ANXA4: variants seen among roughly 807,000 people sequenced by gnomAD.
ANXA4 encodes the protein annexin A4.
Under a neutral mutation model 49.8 loss-of-function variants are expected in ANXA4, and 39 were observed. The observed-to-expected ratio is 0.78, with a 90% confidence interval of 0.61 to 1.02. The LOEUF (loss-of-function observed/expected upper bound fraction) is 1.02. Ranked by LOEUF, ANXA4 falls within the 50% of genes least tolerant of loss-of-function variation. The probability of loss-of-function intolerance (pLI) is 0.00; values close to 1 mark genes in which losing one functional copy is unlikely to be tolerated. For synonymous variants in ANXA4, 134 were observed against 152.5 expected, an observed-to-expected ratio of 0.88 and a Z score of 0.89; for missense variants, 360 against 410.1, an observed-to-expected ratio of 0.88 and a Z score of 1.05.
chr2:69,777,720 C>A (rs187273567), intron 1 of ANXA4, among the ~76,000 whole-genome samples: 32 of 152,326 alleles, frequency 2.1e-4, no homozygotes, highest in South Asian at 6.2e-4. Context: ...GCTCCAGCTA[C>A]CTGAAAGAGT....
chr2:69,734,938 C>T (rs891129328), intron 3 of ANXA4, among the ~76,000 whole-genome samples: 5 of 152,178 alleles, frequency 3.3e-5, no homozygotes, highest in African/African-American at 1.2e-4. Context: ...ATTCCACAGT[C>T]ACCCCTTGTC....
chr2:69,825,586 CTA>C lies in ANXA4; in HGVS notation c.*73_*74del. On this transcript the variant is annotated 3_prime_UTR_variant, in exon 13 of 13. Coordinates refer to ENST00000394295, the MANE Select transcript of ANXA4 (RefSeq NM_001153.5). ...TTTTTAACTTCATTTTTCTACACTG[CTA>C]TTATCATTATCTCAGAATGCTTATT... 1 of 1,139,342 alleles carries C rather than the reference CTA, an allele frequency of 8.8e-7. No individual in the cohort carries two copies. 70.6% of individuals were successfully genotyped at this position (1,139,342 alleles called of 1,614,324 possible). A position where few individuals can be genotyped will look rare whatever the true frequency, so the allele number is the denominator to read the frequency against.
At chr2:69,667,954 G>T (rs1677001918) in intron 2 of ANXA4, among the ~76,000 whole-genome samples, 1 of 152,192 alleles carries the variant, frequency 6.6e-6, no homozygotes, top group Non-Finnish European at 1.5e-5. Context: ...TCATGCTGAG[G>T]CAGAGATGCA....
chr2:69,807,700 C>G (rs1199544162), intron 5 of ANXA4, among the ~76,000 whole-genome samples: 1 of 152,120 alleles, frequency 6.6e-6, no homozygotes, highest in Non-Finnish European at 1.5e-5. Flanking sequence ...TAATAAACAG[C>G]CTAGAAATGT....
intron 2 of ANXA4, among the ~76,000 whole-genome samples, chr2:69,672,032 G>A (rs1012065057): frequency 6.6e-6 from 1 of 152,162 alleles, no homozygotes; most frequent in Non-Finnish European, 1.5e-5. Flanking sequence ...TTGAGGATGG[G>A]TAGCAGGAGA....
At chr2:69,790,139 T>A (rs1672620121) in intron 3 of ANXA4, among the ~76,000 whole-genome samples, 1 of 152,140 alleles carries the variant, frequency 6.6e-6, no homozygotes, top group African/African-American at 2.4e-5. Flanking sequence ...GGGAGCTATT[T>A]TTGAGCTGCT....
chr2:69,749,789 G>A (rs7602292), intron 1 of ANXA4, among the ~76,000 whole-genome samples: 5,000 of 151,906 alleles, frequency 0.033, 141 homozygotes, highest in African/African-American at 0.076. Flanking sequence ...GCTAGGTGTG[G>A]TAGTGCACGC....
intron 4 of ANXA4, 124 bp from the exon 5 acceptor site, chr2:69,806,261 T>C: frequency 1.6e-6 from 1 of 641,276 alleles, no homozygotes; most frequent in South Asian, 1.8e-5. Context: ...ATTCTGAGGA[T>C]AGTTTTGACT....
chr2:69,647,413 TTTATTTA>T (rs1676050052), intron 1 of ANXA4, among the ~76,000 whole-genome samples: 1 of 144,080 alleles, frequency 6.9e-6, no homozygotes, highest in Non-Finnish European at 1.5e-5. Context: ...TATTTATTTA[TTTATTTA>T]TTTTTTGAGA....
intron 2 of ANXA4, 22 bp from the exon 3 acceptor site, chr2:69,788,032 C>T (rs1446271062): frequency 6.2e-7 from 1 of 1,606,738 alleles, no homozygotes; most frequent in Non-Finnish European, 8.5e-7. Context: ...CTCTCAGTAA[C>T]ATCACTCTCT....
At chr2:69,784,741 C>G (rs1573249945) in intron 2 of ANXA4, among the ~76,000 whole-genome samples, 2 of 152,204 alleles carry the variant, frequency 1.3e-5, no homozygotes, top group South Asian at 4.1e-4. Context: ...CCCTTTGACA[C>G]CTGTGCAGAA....
At chr2:69,709,514 A>G (rs1045378757) in intron 2 of ANXA4, among the ~76,000 whole-genome samples, 1 of 152,196 alleles carries the variant, frequency 6.6e-6, no homozygotes, top group Middle Eastern at 3.2e-3. Context: ...GCTCTCTTCT[A>G]AGTATTCAAG....
intron 3 of ANXA4, among the ~76,000 whole-genome samples, chr2:69,722,343 C>G (rs1376298959): frequency 6.6e-6 from 1 of 152,160 alleles, no homozygotes; most frequent in Non-Finnish European, 1.5e-5. Flanking sequence ...GCGTTATTCG[C>G]CATAGCCAAA....
At chr2:69,767,927 A>G (rs1671558892) in intron 1 of ANXA4, among the ~76,000 whole-genome samples, 1 of 152,178 alleles carries the variant, frequency 6.6e-6, no homozygotes, top group African/African-American at 2.4e-5. Flanking sequence ...TACTCTTTAT[A>G]TATATACACT....
rs1177478284 is a variant in ANXA4, at chr2:69,647,392, A to T, written n.481+2487A>T. Among the ~76,000 whole-genome samples, 12 of 105,854 alleles carry T rather than the reference A, an allele frequency of 1.1e-4. No homozygotes were observed. The Admixed American group carries it at 1.3e-3, about 12-fold the overall frequency. 69.4% of individuals were successfully genotyped at this position (105,854 alleles called of 152,430 possible). ...TGTTTTATTGTTTTATTTTTATTTT[A>T]TTTATTTATTTATTTATTTATTTAT... is the stretch of plus-strand genomic sequence containing the variant. On this transcript the variant is annotated intron_variant and non_coding_transcript_variant, in intron 1 of 3. Coordinates refer to the ANXA4 transcript ENST00000418066.
intron 8 of ANXA4, chr2:69,815,639 G>A (rs60184582): frequency 0.068 from 10,553 of 154,394 alleles, 957 homozygotes; most frequent in Admixed American, 0.22. Flanking sequence ...AGAACTCCCC[G>A]CAGTGATGAG....
intron 1 of ANXA4, among the ~76,000 whole-genome samples, chr2:69,771,924 G>A (rs1462468492): frequency 6.6e-6 from 1 of 152,090 alleles, no homozygotes; most frequent in Non-Finnish European, 1.5e-5. Flanking sequence ...GGTCTCATAT[G>A]TTTAATTCCC....
At chr2:69,697,824 A>G (rs560108965) in intron 2 of ANXA4, among the ~76,000 whole-genome samples, 2 of 152,180 alleles carry the variant, frequency 1.3e-5, no homozygotes, top group East Asian at 1.9e-4. Context: ...TAACAATGGT[A>G]ACATCAAAGA....
At chr2:69,761,946 T>C (rs1671307155) in intron 1 of ANXA4, among the ~76,000 whole-genome samples, 1 of 152,298 alleles carries the variant, frequency 6.6e-6, no homozygotes, top group African/African-American at 2.4e-5. Flanking sequence ...AATAAATCTG[T>C]TGGCACCAAC....
Sources: allele counts gnomAD v4.1 joint callset (sites outside exome capture counted in the v4.1 genomes callset), GRCh38; gene constraint gnomAD v4.1.1; transcripts MANE v1.5; gene names NCBI Gene and HGNC (gene_info 2026-07-23, HGNC 2026-07-21).